Variants in USP8 observed in about 807,000 individuals in gnomAD.
USP8 encodes the protein ubiquitin carboxyl-terminal hydrolase 8.
USP8 carries 27 observed loss-of-function variants against 130.0 expected under a neutral mutation model. The ratio of observed to expected loss-of-function variants is 0.21; its 90% CI spans 0.15 to 0.29. The LOEUF is 0.29. Ranked by LOEUF, USP8 falls within the 10% of genes least tolerant of loss-of-function variation. The pLI is 1.00. For missense variants in USP8, 1,029 were observed against 1,312.2 expected, an observed-to-expected ratio of 0.78 and a Z score of 3.33; for synonymous variants, 392 against 444.1, an observed-to-expected ratio of 0.88 and a Z score of 1.48.
chr15:50,490,672 C>T, intron 14 of USP8, 147 bp downstream of exon 14: 1 of 1,066,050 alleles, frequency 9.4e-7, no homozygotes, highest in East Asian at 2.6e-5. Flanking sequence ...GAGAACAAAA[C>T]AAATGAATAG....
At chr15:50,448,454 A>T (rs2050510122) in intron 3 of USP8, among the ~76,000 whole-genome samples, 1 of 152,060 alleles carries the variant, frequency 6.6e-6, no homozygotes, top group African/African-American at 2.4e-5. Flanking sequence ...CAACAACAAC[A>T]ACTTCATTGT....
intron 4 of USP8, among the ~76,000 whole-genome samples, chr15:50,456,146 A>G (rs1457952297): frequency 6.6e-6 from 1 of 152,146 alleles, no homozygotes; most frequent in African/African-American, 2.4e-5. Flanking sequence ...TCTCTTTCCT[A>G]CCTTTATTTT....
intron 2 of USP8, among the ~76,000 whole-genome samples, chr15:50,439,790 CAATAATAATAATAAT>C (rs57780466): frequency 4.5e-5 from 6 of 133,588 alleles, no homozygotes; most frequent in East Asian, 2.2e-4. Context: ...AACTCTGTCT[CAATAATAATAATAAT>C]AATAATAATA....
At chr15:50,480,584 T>A (rs1481914223) in intron 10 of USP8, among the ~76,000 whole-genome samples, 1 of 152,066 alleles carries the variant, frequency 6.6e-6, no homozygotes, top group Non-Finnish European at 1.5e-5. Context: ...ATTATCTAGA[T>A]GAACAGCTGA....
At chr15:50,472,121 G>A (rs12907440) in intron 8 of USP8, among the ~76,000 whole-genome samples, 5 of 151,692 alleles carry the variant, frequency 3.3e-5, no homozygotes, top group Admixed American at 6.6e-5. Flanking sequence ...GGCTGGTCTC[G>A]AACTCCTGAC....
In USP8 at chr15:50,481,721, C is replaced by T; in HGVS notation, c.1459C>T (p.Gln487Ter). Residue 487 changes from glutamine (Q) to a stop codon, truncating the protein, a stop_gained, in exon 11 of 20, where the codon CAA (glutamine) becomes TAA (stop). Transcript: ENST00000307179. LOFTEE classifies it high-confidence loss of function. ...AGAAAAAGAACTTCGGGAAAGGCAG[C>T]AAGAGGAACAGAAAGAGAAACTGAG... Reference protein sequence around the residue: ...KQEKELRERQQEEQKEKLRKE... With the variant: ...KQEKELRERQ 6.2e-7 allele frequency: 1 copy of T among 1,609,924 alleles called. No homozygotes were observed. Among genetic ancestry groups the T allele is most frequent in the Non-Finnish European group, 8.5e-7 (1 of 1,178,678 alleles).
chr15:50,434,054 T>C (rs535998365), intron 1 of USP8, among the ~76,000 whole-genome samples: 4 of 152,284 alleles, frequency 2.6e-5, no homozygotes, highest in African/African-American at 9.6e-5. Flanking sequence ...TTTTCTTGCA[T>C]ATACTTAGTT....
In USP8 at chr15:50,477,503, T is replaced by G. The variant is rs1270253409; in HGVS notation, c.1218+4T>G. ...TAGTATAAAGAATGTTCCACAGGTA[T>G]GTTCTTGATTTTAACATTATTCTCG... On this transcript the variant is annotated splice_donor_region_variant and intron_variant, in intron 10 of 19. Coordinates refer to ENST00000307179, the MANE Select transcript of USP8 (RefSeq NM_005154.5). 1 of 1,602,526 alleles carries G rather than the reference T, an allele frequency of 6.2e-7. No individual in the cohort carries two copies. The highest frequency in any genetic ancestry group is 8.5e-7 in the Non-Finnish European group (1 of 1,174,664).
chr15:50,440,997 A>C (rs1291885032), intron 2 of USP8, among the ~76,000 whole-genome samples: 1 of 136,048 alleles, frequency 7.4e-6, no homozygotes, highest in Non-Finnish European at 1.6e-5. Context: ...GCTAGACCCC[A>C]TCTCAAAAAA....
In USP8 at chr15:50,490,478, AGAG is replaced by A; in HGVS notation, c.2188_2190del (p.Glu730del). 6.2e-7 allele frequency: 1 copy of A among 1,614,200 alleles called. No homozygotes were observed. On this transcript the variant is annotated inframe_deletion, in exon 14 of 20. Transcript: ENST00000307179. ...ATATAACCCAGGCTATTCAAGAGGAAGAGAAGAGGAAGCCAACAGTAACTCCAA... is the reference window on the plus strand; with the variant it reads ...ATATAACCCAGGCTATTCAAGAGGAAAAGAGGAAGCCAACAGTAACTCCAA...
intron 1 of USP8, among the ~76,000 whole-genome samples, chr15:50,433,813 G>T (rs1486262986): frequency 2.0e-5 from 3 of 152,194 alleles, no homozygotes; most frequent in East Asian, 1.9e-4. Context: ...CACCGTGTTA[G>T]CCAGGATGGT....
intron 11 of USP8, among the ~76,000 whole-genome samples, chr15:50,482,607 C>G (rs1442300208): frequency 1.3e-5 from 2 of 152,078 alleles, no homozygotes; most frequent in Non-Finnish European, 2.9e-5. Context: ...GGCTACACAC[C>G]CAAAATTGAT....
At chr15:50,471,829 G>A in intron 8 of USP8, 34 bp downstream of exon 8, 1 of 1,609,060 alleles carries the variant, frequency 6.2e-7, no homozygotes. Context: ...TATTGTAATT[G>A]CAGGGCATCT....
rs2052554364 is a variant in USP8, at chr15:50,500,067, A to G, written c.*979A>G. The G allele has an allele frequency of 6.6e-6, 1 of 152,202 alleles. No homozygotes were observed. The highest frequency in any genetic ancestry group is 2.4e-5 in the African/African-American group (1 of 41,460). 9.4% of individuals were successfully genotyped at this position (152,202 alleles called of 1,614,324 possible). ...TAACCGAGGGACTCAGTTGCTATAT[A>G]TATAGTCAGTAAAACACTCCATATA... On this transcript the variant is annotated 3_prime_UTR_variant, in exon 20 of 20. Transcript: ENST00000307179.
chr15:50,465,919 G>A (rs941987908), intron 7 of USP8, among the ~76,000 whole-genome samples: 2 of 152,176 alleles, frequency 1.3e-5, no homozygotes, highest in African/African-American at 4.8e-5. Context: ...TCTTACAGAG[G>A]TTTCAGGAGA....
intron 3 of USP8, among the ~76,000 whole-genome samples, chr15:50,448,829 C>T (rs911349799): frequency 6.6e-6 from 1 of 152,006 alleles, no homozygotes; most frequent in Non-Finnish European, 1.5e-5. Context: ...CTAGATTATA[C>T]TATTAATTAT....
chr15:50,456,008 A>C (rs1348556439), intron 4 of USP8, among the ~76,000 whole-genome samples: 1 of 152,188 alleles, frequency 6.6e-6, no homozygotes. Flanking sequence ...GTCAACCCCC[A>C]TCTACTTTCT....
intron 3 of USP8, among the ~76,000 whole-genome samples, chr15:50,442,339 G>C (rs190208205): frequency 6.6e-6 from 1 of 152,280 alleles, no homozygotes; most frequent in Non-Finnish European, 1.5e-5. Flanking sequence ...TCTTCCATTT[G>C]ATTGAAGCCA....
At chr15:50,460,672 G>A (rs938030878) in intron 5 of USP8, among the ~76,000 whole-genome samples, 1 of 151,926 alleles carries the variant, frequency 6.6e-6, no homozygotes, top group African/African-American at 2.4e-5. Context: ...TCATCTCTTT[G>A]CTAAAAGCCA....
Sources: gnomAD v4.1 joint callset for allele counts (sites outside exome capture counted in the v4.1 genomes callset) on GRCh38, gnomAD v4.1.1 for gene constraint, MANE v1.5 for transcripts, NCBI Gene and HGNC (gene_info 2026-07-23, HGNC 2026-07-21) for gene names.